PTK2B: variants seen among roughly 807,000 people sequenced by gnomAD.
The protein encoded by PTK2B is protein-tyrosine kinase 2-beta.
In PTK2B, 71 loss-of-function variants were observed where a neutral mutation model predicts 142.9. That is an observed-to-expected ratio of 0.50 (90% confidence interval 0.41 to 0.61). The LOEUF is 0.61. Ranked by LOEUF, PTK2B falls within the 20% of genes least tolerant of loss-of-function variation. The pLI, the probability that PTK2B is intolerant of heterozygous loss-of-function variation, is 0.00. For synonymous variants in PTK2B, 519 were observed against 503.4 expected (o/e 1.03, Z -0.42); for missense variants, 1,105 against 1,320.4 (o/e 0.84, Z 2.53).
intron 24 of PTK2B, among the ~76,000 whole-genome samples, chr8:27,448,044 A>G (rs1811577146): frequency 6.6e-6 from 1 of 152,240 alleles, no homozygotes; most frequent in East Asian, 1.9e-4. Flanking sequence ...CGTGGGTACC[A>G]CAAAGTGGGA....
rs947187060 is a variant in PTK2B at position 27,436,117 on chromosome 8, C to T, written c.1244-134C>T. ...GGAACATTCTAGACCCCCATTTCCC[C>T]AGCCCAGTCCCTGGATCTTGGCTGA... On this transcript the variant is annotated intron_variant, in intron 14 of 30. Transcript: ENST00000346049. The T allele has an allele frequency of 2.3e-5, 20 of 866,308 alleles. No individual in the cohort carries two copies. The African/African-American group carries it at 3.4e-4, about 15-fold the overall frequency. The allele number at this position is 866,308 out of a possible 1,614,324, so 53.7% of individuals were successfully genotyped here.
chr8:27,358,085 A>G (rs181220044), intron 1 of PTK2B, among the ~76,000 whole-genome samples: 463 of 152,290 alleles, frequency 3.0e-3, no homozygotes, highest in Middle Eastern at 0.01. Flanking sequence ...AATGTCTTAA[A>G]CATAGTAGAC....
At chr8:27,414,585 T>A (rs977100668) in intron 2 of PTK2B, among the ~76,000 whole-genome samples, 1 of 152,236 alleles carries the variant, frequency 6.6e-6, no homozygotes, top group African/African-American at 2.4e-5. Flanking sequence ...TAAATGAAGC[T>A]CAGTTTCTCT....
chr8:27,338,447 G>T (rs1355585970), intron 1 of PTK2B, among the ~76,000 whole-genome samples: 1 of 152,046 alleles, frequency 6.6e-6, no homozygotes, highest in Non-Finnish European at 1.5e-5. Context: ...AATATATACT[G>T]CTCCAGTGGT....
rs1410362724 is a variant in PTK2B, at chr8:27,431,387, T to G, written c.811-11T>G. Reference sequence around the variant, plus strand: ...GCTCTGGAACAACAGTCCACTCTCCTTTTATTCCAGCAAGGATGGAACATT... The same window carrying G: ...GCTCTGGAACAACAGTCCACTCTCCGTTTATTCCAGCAAGGATGGAACATT... On this transcript the variant is annotated splice_polypyrimidine_tract_variant and intron_variant, in intron 8 of 30. Transcript: ENST00000346049. The G allele has an allele frequency of 1.2e-6, 2 of 1,614,100 alleles. No individual in the cohort carries two copies. Among genetic ancestry groups the G allele is most frequent in the Non-Finnish European group, 1.7e-6 (2 of 1,180,036 alleles).
intron 13 of PTK2B, 147 bp from the exon 14 acceptor site, chr8:27,435,596 C>A: frequency 2.2e-6 from 2 of 911,776 alleles, no homozygotes; most frequent in Non-Finnish European, 3.4e-6. Context: ...CACTCTAAAA[C>A]CTGGGCTGGG....
At chr8:27,455,883 T>C (rs1327194728) in intron 30 of PTK2B, among the ~76,000 whole-genome samples, 1 of 152,248 alleles carries the variant, frequency 6.6e-6, no homozygotes, top group Non-Finnish European at 1.5e-5. Context: ...TCTGGAGCCC[T>C]TTGATCCACT....
At chr8:27,444,028 T>C (rs1407949624) in intron 22 of PTK2B, among the ~76,000 whole-genome samples, 178 bp from the exon 23 acceptor site, 1 of 152,206 alleles carries the variant, frequency 6.6e-6, no homozygotes, top group Non-Finnish European at 1.5e-5. Flanking sequence ...CTTCCACCAC[T>C]CAGTAGATAA....
At chr8:27,310,741 G>T, upstream of PTK2B, 1 of 1,514,002 alleles carries the variant, frequency 6.6e-7, no homozygotes, top group Non-Finnish European at 8.9e-7. Flanking sequence ...GAGCCGCAGA[G>T]CCAAGGGATT....
chr8:27,351,156 A>G (rs910312152), intron 1 of PTK2B, among the ~76,000 whole-genome samples: 4 of 148,268 alleles, frequency 2.7e-5, no homozygotes, highest in Admixed American at 6.7e-5. Flanking sequence ...ATGAGCTATA[A>G]TTATACCATT....
chr8:27,438,073 G>A (rs2132175710), intron 18 of PTK2B, 193 bp downstream of exon 18: 2 of 574,818 alleles, frequency 3.5e-6, no homozygotes, highest in Middle Eastern at 4.7e-4. Flanking sequence ...GGCACTGTAT[G>A]TACCTCATGG....
At chr8:27,343,652 A>G (rs915419866) in intron 1 of PTK2B, among the ~76,000 whole-genome samples, 2 of 152,028 alleles carry the variant, frequency 1.3e-5, no homozygotes, top group African/African-American at 2.4e-5. Context: ...TTCAACCTTT[A>G]CCTTATTCAT....
At chr8:27,453,187 T>A in intron 28 of PTK2B, 27 bp downstream of exon 28, 1 of 1,613,478 alleles carries the variant, frequency 6.2e-7, no homozygotes, top group African/African-American at 1.3e-5. Context: ...CTGAAACTGA[T>A]AAATGAGAGT....
chr8:27,428,737 G>T (rs548250154), intron 5 of PTK2B, among the ~76,000 whole-genome samples: 19 of 152,192 alleles, frequency 1.2e-4, no homozygotes, highest in African/African-American at 4.1e-4. Flanking sequence ...TCCAGACATT[G>T]CCCAGTGTTT....
At chr8:27,321,707 G>T (rs1021841826), upstream of PTK2B, among the ~76,000 whole-genome samples, 2 of 152,152 alleles carry the variant, frequency 1.3e-5, no homozygotes, top group Admixed American at 6.5e-5. Context: ...TTAATCACAT[G>T]GTCGCACCTG....
intron 1 of PTK2B, among the ~76,000 whole-genome samples, chr8:27,343,738 G>A (rs932210041): frequency 2.0e-5 from 3 of 152,208 alleles, no homozygotes; most frequent in African/African-American, 7.2e-5. Flanking sequence ...GCTGGCTCAT[G>A]CCTGTAATCC....
chr8:27,310,771 C>T (rs1802917747), upstream of PTK2B: 1 of 1,543,630 alleles, frequency 6.5e-7, no homozygotes. Flanking sequence ...AGACCCGGCT[C>T]GGCCGCCTCG....
upstream of PTK2B, among the ~76,000 whole-genome samples, chr8:27,323,025 G>A (rs1243675104): frequency 6.6e-6 from 1 of 152,194 alleles, no homozygotes; most frequent in Non-Finnish European, 1.5e-5. Flanking sequence ...ATCCATTCTT[G>A]TGGTTTCAAA....
chr8:27,397,732 T>G lies in PTK2B; in HGVS notation c.148T>G (p.Phe50Val). 1 of 1,614,268 alleles carries G rather than the reference T, an allele frequency of 6.2e-7. No homozygotes were observed. Residue 50 changes from phenylalanine to valine, a missense_variant, in exon 2 of 31, where the codon TTC becomes GTC. Transcript: ENST00000346049. ...CAAGGTCTGCTTCTATAGCAACAGC[T>G]TCAATCCTGGGAAAAACTTCAAACT... ...ILKVCFYSNS[F>V]NPGKNFKLVK...
Sources: allele counts gnomAD v4.1 joint callset (sites outside exome capture counted in the v4.1 genomes callset), GRCh38; gene constraint gnomAD v4.1.1; transcripts MANE v1.5; gene names NCBI Gene and HGNC (gene_info 2026-07-23, HGNC 2026-07-21).